RFTN1: variants seen among roughly 807,000 people sequenced by gnomAD.
The protein encoded by RFTN1 is raftlin.
In RFTN1, 26 loss-of-function variants were observed where a neutral mutation model predicts 46.5. The observed-to-expected ratio is 0.56, with a 90% CI of 0.41 to 0.78. The LOEUF is 0.78. RFTN1 is among the 30% of genes least tolerant of loss of function. The pLI is 0.00. For missense variants in RFTN1, 693 were observed against 718.7 expected (o/e 0.96, Z 0.41); for synonymous variants, 261 against 284.2 (o/e 0.92, Z 0.82).
intron 2 of RFTN1, among the ~76,000 whole-genome samples, chr3:16,462,936 G>A (rs992149263): frequency 6.6e-6 from 1 of 152,220 alleles, no homozygotes; most frequent in African/African-American, 2.4e-5. Context: ...AAGTAAAGAA[G>A]CGGAAGAATG....
In RFTN1 at chr3:16,374,609, G is replaced by C. The variant is rs1282489444; in HGVS notation, c.826+3109C>G. Among the ~76,000 whole-genome samples the C allele has an allele frequency of 6.6e-6, 1 of 152,200 alleles. No individual in the cohort carries two copies. On this transcript the variant is annotated intron_variant, in intron 5 of 9. Coordinates refer to ENST00000334133, the MANE Select transcript of RFTN1 (RefSeq NM_015150.2). The surrounding 1 kb of genome is among the most constrained non-coding windows in gnomAD (Gnocchi z 5.4). ...TGACATTTCTAAGCATTTTAAGTGA[G>C]GAGGTGCAGGGTAGGAAGGGCAGTG...
chr3:16,494,623 TAAAG>T (rs1165486632), intron 1 of RFTN1, among the ~76,000 whole-genome samples: 5 of 151,992 alleles, frequency 3.3e-5, no homozygotes, highest in Admixed American at 6.6e-5. Flanking sequence ...GAAAAGAAAA[TAAAG>T]AAATGTTAAA....
In RFTN1 at chr3:16,467,470, C is replaced by G. The variant is rs544481005; in HGVS notation, c.145+26255G>C. 1.0e-3 allele frequency among the ~76,000 whole-genome samples: 158 copies of G among 152,348 alleles called. 1 individual carries two copies. In the Middle Eastern group the frequency reaches 0.02, roughly 20 times the overall value. On this transcript the variant is annotated intron_variant, in intron 2 of 9. Coordinates refer to ENST00000334133, the MANE Select transcript of RFTN1 (RefSeq NM_015150.2). ...CCCCGGCTGCCTCCGCTGCCCGCCA[C>G]TCATCCTCATCTCTACTGGATCCAG...
At chr3:16,435,070 A>T (rs1383709696) in intron 2 of RFTN1, among the ~76,000 whole-genome samples, 4 of 152,248 alleles carry the variant, frequency 2.6e-5, no homozygotes, top group Admixed American at 6.5e-5. Flanking sequence ...GTATTCAGTG[A>T]AAAGTCTACA....
Position 16,480,540 on chromosome 3 carries a change from G to A in RFTN1, c.145+13185C>T, listed in dbSNP as rs558304297. Among the ~76,000 whole-genome samples the A allele has an allele frequency of 9.6e-4, 146 of 152,320 alleles. 1 individual carries two copies. Among genetic ancestry groups the A allele is most frequent in the African/African-American group, 3.3e-3 (139 of 41,566 alleles). On this transcript the variant is annotated intron_variant, in intron 2 of 9. Transcript: ENST00000334133. This position sits in a 1 kb window ranked among gnomAD's most constrained non-coding sequence, Gnocchi z 4.3. ...AAGAGTATGCCTGAAACACAGAACTGAGGAAATGACCTTCTAGACTTAATG... is the reference window on the plus strand; with the variant it reads ...AAGAGTATGCCTGAAACACAGAACTAAGGAAATGACCTTCTAGACTTAATG...
Position 16,321,638 on chromosome 3 carries a change from G to A in RFTN1, c.1332+1738C>T, listed in dbSNP as rs1449891492. ...TGTGAGGTGACCCAGAGGGTCTTGTGTAGAACAAGTGCTCCACACCAGTCA... is the reference window on the plus strand; with the variant it reads ...TGTGAGGTGACCCAGAGGGTCTTGTATAGAACAAGTGCTCCACACCAGTCA... On this transcript the variant is annotated intron_variant, in intron 9 of 9. Coordinates refer to ENST00000334133, the MANE Select transcript of RFTN1 (RefSeq NM_015150.2). This position sits in a 1 kb window ranked among gnomAD's most constrained non-coding sequence, Gnocchi z 4.8. Among the ~76,000 whole-genome samples the A allele has an allele frequency of 6.6e-6, 1 of 152,176 alleles. No individual in the cohort carries two copies. Among genetic ancestry groups the A allele is most frequent in the East Asian group, 1.9e-4 (1 of 5,198 alleles).
At position 16,484,564 on chromosome 3, in the gene RFTN1, C is replaced by T. The variant is rs1232183951; in HGVS notation, c.145+9161G>A. The T allele has an allele frequency of 6.6e-6, 1 of 152,164 alleles. No individual in the cohort carries two copies. Among genetic ancestry groups the T allele is most frequent in the African/African-American group, 2.4e-5 (1 of 41,428 alleles). The allele number at this position is 152,164 out of a possible 1,614,324, so 9.4% of individuals were successfully genotyped here. ...GTAAAATGCAGCAGTGTGGAATGAT[C>T]CTCGAAATTGTAATGCGTGTCATGG... On this transcript the variant is annotated intron_variant, in intron 2 of 9. Coordinates refer to ENST00000334133, the MANE Select transcript of RFTN1 (RefSeq NM_015150.2). This position sits in a 1 kb window ranked among gnomAD's most constrained non-coding sequence, Gnocchi z 4.6.
At chr3:16,477,808 T>G (rs576645778) in intron 2 of RFTN1, among the ~76,000 whole-genome samples, 17 of 152,232 alleles carry the variant, frequency 1.1e-4, no homozygotes, top group African/African-American at 4.1e-4. Flanking sequence ...CTTTCACAGC[T>G]GAAAGCCAGG....
At chr3:16,477,933 A>C (rs887151372) in intron 2 of RFTN1, among the ~76,000 whole-genome samples, 39 of 152,260 alleles carry the variant, frequency 2.6e-4, no homozygotes, top group African/African-American at 9.2e-4. Flanking sequence ...ATGGCATGAA[A>C]TTAGAAAAAC....
chr3:16,462,967 G>A (rs1319157004), intron 2 of RFTN1, among the ~76,000 whole-genome samples: 1 of 152,218 alleles, frequency 6.6e-6, no homozygotes, highest in African/African-American at 2.4e-5. Context: ...TGAGCAAAGA[G>A]GTTTGGTTGA....
rs1165318944 is a variant in RFTN1, at chr3:16,447,597, TC to T, written c.146-13561del. On this transcript the variant is annotated intron_variant, in intron 2 of 9. Coordinates refer to ENST00000334133, the MANE Select transcript of RFTN1 (RefSeq NM_015150.2). The surrounding 1 kb of genome is among the most constrained non-coding windows in gnomAD (Gnocchi z 5.9). ...GTTTGGGGGCACATGCACATGTCCC[TC>T]CCAGCTGCCTTCTCAGGCATTCCAG... Among the ~76,000 whole-genome samples, 3 of 152,168 alleles carry T rather than the reference TC, an allele frequency of 2.0e-5. No individual in the cohort carries two copies. The highest frequency in any genetic ancestry group is 2.0e-4 in the Admixed American group (3 of 15,282).
At chr3:16,394,577 G>A (rs1414748934) in intron 4 of RFTN1, among the ~76,000 whole-genome samples, 2 of 152,154 alleles carry the variant, frequency 1.3e-5, no homozygotes, top group Admixed American at 6.5e-5. Context: ...TGTGGGCGTG[G>A]CTACAGGAAG....
chr3:16,497,122 C>T (rs1363819810), intron 1 of RFTN1, among the ~76,000 whole-genome samples: 2 of 152,174 alleles, frequency 1.3e-5, no homozygotes. Context: ...ACCAGCTTTG[C>T]TGTTTCTTGA....
At chr3:16,323,917 C>T (rs940035203) in intron 8 of RFTN1, among the ~76,000 whole-genome samples, 2 of 152,174 alleles carry the variant, frequency 1.3e-5, no homozygotes, top group Admixed American at 6.5e-5. Context: ...ATGCATGGCT[C>T]CTGCAGGCAC....
intron 2 of RFTN1, among the ~76,000 whole-genome samples, chr3:16,467,578 C>T (rs967997516): frequency 6.6e-6 from 1 of 152,192 alleles, no homozygotes; most frequent in African/African-American, 2.4e-5. Flanking sequence ...GTGGGCAGGG[C>T]CTGAGCCCGG....
In RFTN1 at chr3:16,317,007, G is replaced by T; in HGVS notation, c.1558C>A (p.Leu520Met). Residue 520 changes from leucine (L) to methionine (M), a missense_variant, in exon 10 of 10, where the codon CTG becomes ATG. Coordinates refer to ENST00000334133, the MANE Select transcript of RFTN1 (RefSeq NM_015150.2). This position sits in a 1 kb window ranked among gnomAD's most constrained non-coding sequence, Gnocchi z 4.3. ...CCACACAGCAGGCCACCAGGGGACA[G>T]CTGTTCTCCCTTGTCCTCTTGGACA... Reference protein sequence around the residue: ...GPVQEDKGEQLSPGGLLCGVG... With the variant: ...GPVQEDKGEQMSPGGLLCGVG... 1 of 1,614,024 alleles carries T rather than the reference G, an allele frequency of 6.2e-7. No individual in the cohort carries two copies. Among genetic ancestry groups the T allele is most frequent in the Non-Finnish European group, 8.5e-7 (1 of 1,180,018 alleles).
intron 1 of RFTN1, among the ~76,000 whole-genome samples, chr3:16,503,185 T>C (rs1002163064): frequency 6.6e-6 from 1 of 152,170 alleles, no homozygotes; most frequent in African/African-American, 2.4e-5. Flanking sequence ...CCAGCCACCC[T>C]TCGCTAAAAA....
At chr3:16,469,456 C>T (rs957150081) in intron 2 of RFTN1, among the ~76,000 whole-genome samples, 2 of 152,184 alleles carry the variant, frequency 1.3e-5, no homozygotes, top group African/African-American at 4.8e-5. Flanking sequence ...CTGGACAAAT[C>T]TGGGCCACTG....
In RFTN1 at chr3:16,346,737, G is replaced by GA. The variant is rs553291019; in HGVS notation, c.1146+11194dup. 3.5e-4 allele frequency among the ~76,000 whole-genome samples: 54 copies of GA among 152,258 alleles called. No homozygotes were observed. The highest frequency in any genetic ancestry group is 6.8e-3 in the Middle Eastern group (2 of 294). On this transcript the variant is annotated intron_variant, in intron 7 of 9. Transcript: ENST00000334133. This position sits in a 1 kb window ranked among gnomAD's most constrained non-coding sequence, Gnocchi z 4.4. ...GCTAATAAAAAGGGACGTGTGGCAGGAAAAAACTGCCCCGTTCTTCACGGT... is the reference window on the plus strand; with the variant it reads ...GCTAATAAAAAGGGACGTGTGGCAGGAAAAAAACTGCCCCGTTCTTCACGGT...
Sources: gnomAD v4.1 joint callset for allele counts (sites outside exome capture counted in the v4.1 genomes callset) on GRCh38, gnomAD v4.1.1 for gene constraint, Gnocchi (gnomAD v3.1) non-coding constraint, MANE v1.5 for transcripts, NCBI Gene and HGNC (gene_info 2026-07-23, HGNC 2026-07-21) for gene names.